The following AFG1L variants were observed in gnomAD, a reference collection of about 807,000 sequenced individuals.
The protein encoded by AFG1L is AFG1 like ATPase, also known as AFG1-like ATPase.
Under a neutral mutation model 62.2 loss-of-function variants are expected in AFG1L, and 53 were observed. The ratio of observed to expected loss-of-function variants is 0.85; its 90% CI spans 0.68 to 1.07. The LOEUF (loss-of-function observed/expected upper bound fraction) is 1.07. Among genes scored for constraint, AFG1L ranks in the 50% least tolerant of loss-of-function variants. The pLI is 0.00. For missense variants in AFG1L, 555 were observed against 590.5 expected, an observed-to-expected ratio of 0.94 and a Z score of 0.62; for synonymous variants, 228 against 210.3, an observed-to-expected ratio of 1.08 and a Z score of -0.73.
chr6:108,522,318 A>G lies in AFG1L; in HGVS notation c.1339A>G (p.Met447Val), dbSNP rs768089537. The change falls in exon 13 of 13, where the codon ATG (methionine) becomes GTG (valine). Residue 447 changes from methionine (M) to valine (V), a missense_variant. Physicochemically the swap from Met to Val is conservative, Grantham distance 21 (BLOSUM62 1). Transcript: ENST00000368977. ...CCAGGATTCAGCAGAAGGACTCTCC[A>G]TGTTTACCGGAGAAGAGGAAATCTT... ...LSQDSAEGLSMFTGEEEIFAF... is the reference protein window; with the variant it reads ...LSQDSAEGLSVFTGEEEIFAF... The G allele has an allele frequency of 6.2e-7, 1 of 1,613,562 alleles. No homozygotes were observed. Among genetic ancestry groups the G allele is most frequent in the South Asian group, 1.1e-5 (1 of 91,078 alleles).
At chr6:108,397,618 C>T (rs1223438234) in intron 6 of AFG1L, among the ~76,000 whole-genome samples, 1 of 152,148 alleles carries the variant, frequency 6.6e-6, no homozygotes, top group Non-Finnish European at 1.5e-5. Flanking sequence ...CCATCCCCCA[C>T]TACCCTTCCC....
intron 8 of AFG1L, among the ~76,000 whole-genome samples, chr6:108,467,249 CTTT>C (rs56898379): frequency 7.0e-6 from 1 of 141,978 alleles, no homozygotes. Flanking sequence ...GAGGTACTTA[CTTT>C]TTTTTTTTTT....
chr6:108,475,288 G>A (rs1012073054), intron 8 of AFG1L, among the ~76,000 whole-genome samples: 2 of 152,160 alleles, frequency 1.3e-5, no homozygotes, highest in Non-Finnish European at 2.9e-5. Flanking sequence ...TTTGGTTACT[G>A]TAGCCTTGCA....
chr6:108,402,467 TAA>T (rs55775052), intron 7 of AFG1L, among the ~76,000 whole-genome samples: 1,061 of 91,210 alleles, frequency 0.012, 8 homozygotes, highest in African/African-American at 0.033. Context: ...CCGTCTCGAA[TAA>T]AAAAAAAAAA....
intron 7 of AFG1L, among the ~76,000 whole-genome samples, chr6:108,436,932 C>G (rs1007547868): frequency 1.3e-5 from 2 of 152,164 alleles, no homozygotes. Flanking sequence ...GCGTCTTAGT[C>G]CAGGCTGAGA....
intron 10 of AFG1L, among the ~76,000 whole-genome samples, chr6:108,504,198 G>T (rs1003818857): frequency 2.0e-5 from 3 of 152,144 alleles, no homozygotes; most frequent in African/African-American, 7.2e-5. Context: ...TAACTGTTTG[G>T]CTCAAGAGGC....
At chr6:108,434,295 G>T (rs1284002675) in intron 7 of AFG1L, among the ~76,000 whole-genome samples, 5 of 152,098 alleles carry the variant, frequency 3.3e-5, no homozygotes, top group Admixed American at 6.5e-5. Context: ...CTAATATCTA[G>T]GCTGGACATC....
intron 8 of AFG1L, among the ~76,000 whole-genome samples, chr6:108,449,570 G>C (rs949925851): frequency 6.6e-6 from 1 of 151,890 alleles, no homozygotes; most frequent in African/African-American, 2.4e-5. Context: ...GATTTAATTA[G>C]GTTTCTTTTT....
At chr6:108,397,628 C>T (rs1322290874) in intron 6 of AFG1L, among the ~76,000 whole-genome samples, 1 of 152,156 alleles carries the variant, frequency 6.6e-6, no homozygotes, top group African/African-American at 2.4e-5. Context: ...CTACCCTTCC[C>T]AGCCTCTGGT....
In AFG1L at chr6:108,333,487, A is replaced by G. The variant is rs753333280; in HGVS notation, c.363+9439A>G. Among the ~76,000 whole-genome samples the G allele has an allele frequency of 2.2e-4, 33 of 152,146 alleles. 1 individual carries two copies. Among genetic ancestry groups the G allele is most frequent in the Non-Finnish European group, 1.0e-4 (7 of 68,034 alleles). Reference sequence around the variant, plus strand: ...ACCAGGTGCAATGGCTCACGCCTGTAATCTCAACACTATGAGAGGCTGAGG... The same window carrying G: ...ACCAGGTGCAATGGCTCACGCCTGTGATCTCAACACTATGAGAGGCTGAGG... On this transcript the variant is annotated intron_variant, in intron 2 of 12. Transcript: ENST00000368977.
At chr6:108,506,486 G>C (rs565272794) in intron 10 of AFG1L, among the ~76,000 whole-genome samples, 11 of 152,322 alleles carry the variant, frequency 7.2e-5, no homozygotes, top group Admixed American at 7.2e-4. Context: ...TGGGATTACA[G>C]GTGTGAGCCA....
At chr6:108,360,511 C>G (rs1305383032) in intron 5 of AFG1L, among the ~76,000 whole-genome samples, 1 of 152,110 alleles carries the variant, frequency 6.6e-6, no homozygotes, top group Admixed American at 6.6e-5. Flanking sequence ...AGACCCTATT[C>G]CCCTGAGCAA....
intron 10 of AFG1L, among the ~76,000 whole-genome samples, chr6:108,502,629 C>T (rs1774252664): frequency 6.6e-6 from 1 of 152,276 alleles, no homozygotes; most frequent in Admixed American, 6.5e-5. Flanking sequence ...CATGAACCAC[C>T]ATACCCAACC....
intron 6 of AFG1L, among the ~76,000 whole-genome samples, chr6:108,369,961 T>A (rs1779930864): frequency 6.6e-6 from 1 of 151,752 alleles, no homozygotes; most frequent in African/African-American, 2.4e-5. Context: ...TCTATCTATC[T>A]ATCTATCTAT....
intron 2 of AFG1L, among the ~76,000 whole-genome samples, chr6:108,326,577 C>A (rs1172496147): frequency 6.6e-6 from 1 of 152,174 alleles, no homozygotes; most frequent in Non-Finnish European, 1.5e-5. Flanking sequence ...CTTTAATTGA[C>A]TTTCCCCACC....
At chr6:108,355,888 T>C (rs1483668399) in intron 4 of AFG1L, 133 bp downstream of exon 4, 1 of 676,118 alleles carries the variant, frequency 1.5e-6, no homozygotes, top group Non-Finnish European at 2.5e-6. Context: ...GTTCCATTTG[T>C]TTTGTGCTAT....
chr6:108,495,720 A>G (rs907010183), intron 10 of AFG1L, among the ~76,000 whole-genome samples: 1 of 152,250 alleles, frequency 6.6e-6, no homozygotes, highest in Non-Finnish European at 1.5e-5. Flanking sequence ...AATTAAGGAA[A>G]ACAAATACTC....
intron 5 of AFG1L, among the ~76,000 whole-genome samples, chr6:108,360,929 G>A (rs903389939): frequency 6.6e-6 from 1 of 152,230 alleles, no homozygotes; most frequent in African/African-American, 2.4e-5. Flanking sequence ...CCTTTGCACT[G>A]GGGATTCTTT....
At chr6:108,425,983 T>C (rs1770798427) in intron 7 of AFG1L, among the ~76,000 whole-genome samples, 1 of 152,088 alleles carries the variant, frequency 6.6e-6, no homozygotes, top group Non-Finnish European at 1.5e-5. Flanking sequence ...TAATAAGCAG[T>C]GAAATGACAA....
Sources: allele counts gnomAD v4.1 joint callset (sites outside exome capture counted in the v4.1 genomes callset), GRCh38; gene constraint gnomAD v4.1.1; transcripts MANE v1.5; gene names NCBI Gene and HGNC (gene_info 2026-07-23, HGNC 2026-07-21).